The following HDAC4 variants were observed in gnomAD, a reference collection of about 807,000 sequenced individuals.
The protein encoded by HDAC4 is histone deacetylase A.
HDAC4 carries 16 observed loss-of-function variants against 135.1 expected under a neutral mutation model. The ratio of observed to expected loss-of-function variants is 0.12; its 90% CI spans 0.08 to 0.18. HDAC4 has a LOEUF of 0.18. Among genes scored for constraint, HDAC4 ranks in the 10% least tolerant of loss-of-function variants. HDAC4 has a pLI of 1.00. For missense variants in HDAC4, 1,143 were observed against 1,511.8 expected, an observed-to-expected ratio of 0.76 and a Z score of 4.05; for synonymous variants, 685 against 653.4, an observed-to-expected ratio of 1.05 and a Z score of -0.74.
intron 2 of HDAC4, among the ~76,000 whole-genome samples, chr2:239,326,132 A>T (rs1230104619): frequency 1.3e-5 from 2 of 152,228 alleles, no homozygotes; most frequent in African/African-American, 4.8e-5. Context: ...AGGTCCACCA[A>T]GAGATGGAAT....
Position 239,339,512 on chromosome 2 carries a change from A to C in HDAC4, c.22+13166T>G, listed in dbSNP as rs76568345. Among the ~76,000 whole-genome samples the C allele has an allele frequency of 5.9e-5, 9 of 152,324 alleles. No individual in the cohort carries two copies. The East Asian group carries it at 1.7e-3, about 29-fold the overall frequency. ...TCTGATCTGGACATGGGTGAGGAGC[A>C]CCAAAGCCATGCTCTCTCGGGTGAT... On this transcript the variant is annotated intron_variant, in intron 2 of 26. Transcript: ENST00000543185.
intron 2 of HDAC4, among the ~76,000 whole-genome samples, chr2:239,246,317 C>T (rs2048456022): frequency 6.6e-6 from 1 of 152,204 alleles, no homozygotes; most frequent in Admixed American, 6.5e-5. Flanking sequence ...CGCCCCTTCC[C>T]CTCCCCCGTC....
At position 239,184,995 on chromosome 2, in the gene HDAC4, G is replaced by C. The variant is rs529770099; in HGVS notation, c.339+4838C>G. ...GGTCCCTTGGTGTCTATCATGGAGG[G>C]CTATCCCTCAGTGTCTGCCCTGGAG... On this transcript the variant is annotated intron_variant, in intron 4 of 26. Coordinates refer to ENST00000543185, the MANE Select transcript of HDAC4 (RefSeq NM_001378414.1). Among the ~76,000 whole-genome samples, 13 of 148,966 alleles carry C rather than the reference G, an allele frequency of 8.7e-5. No homozygotes were observed. The East Asian group carries it at 1.6e-3, about 19-fold the overall frequency.
intron 3 of HDAC4, among the ~76,000 whole-genome samples, chr2:239,190,605 C>T (rs969734961): frequency 2.6e-5 from 4 of 152,156 alleles, no homozygotes; most frequent in East Asian, 1.9e-4. Flanking sequence ...GACAGACGCT[C>T]GAGACCCGGA....
intron 1 of HDAC4, among the ~76,000 whole-genome samples, chr2:239,385,363 C>T (rs906820198): frequency 6.6e-6 from 1 of 152,230 alleles, no homozygotes; most frequent in Non-Finnish European, 1.5e-5. Context: ...GTTCCGGGGG[C>T]CTCCGGGTCA....
At chr2:239,378,026 C>T (rs954771560) in intron 1 of HDAC4, among the ~76,000 whole-genome samples, 114 of 152,298 alleles carry the variant, frequency 7.5e-4, no homozygotes, top group African/African-American at 2.6e-3. Context: ...CCAGGGGAGA[C>T]GTCGCGTCCT....
At chr2:239,362,816 T>TA (rs1693944071) in intron 1 of HDAC4, among the ~76,000 whole-genome samples, 1 of 152,102 alleles carries the variant, frequency 6.6e-6, no homozygotes, top group Non-Finnish European at 1.5e-5. Flanking sequence ...GCCAGGGCAG[T>TA]AAGGCAAGAA....
intron 6 of HDAC4, among the ~76,000 whole-genome samples, chr2:239,159,561 C>T (rs1231754486): frequency 2.0e-5 from 3 of 151,420 alleles, no homozygotes; most frequent in Non-Finnish European, 4.4e-5. Flanking sequence ...CCGCATCTCA[C>T]ACTCACACCT....
chr2:239,276,214 T>G lies in HDAC4; in HGVS notation c.23-39550A>C, dbSNP rs370727081. ...AGACAAGTTAGAGCAGCTGCACCAG[T>G]CTTACAGAGGCAGGGAGAGGCCCCG... On this transcript the variant is annotated intron_variant, in intron 2 of 26. Transcript: ENST00000543185. Among the ~76,000 whole-genome samples, 4 of 152,242 alleles carry G rather than the reference T, an allele frequency of 2.6e-5. No homozygotes were observed. In the East Asian group the frequency reaches 5.8e-4, roughly 22 times the overall value.
rs561454501 is a variant in HDAC4, at chr2:239,150,445, G to C, written c.734-5731C>G. ...TACACACCCCACACACAGAAACACA[G>C]ACACACACACAGATACATAGAAACA... On this transcript the variant is annotated intron_variant, in intron 7 of 26. Transcript: ENST00000543185. Among the ~76,000 whole-genome samples the C allele has an allele frequency of 4.0e-5, 6 of 151,466 alleles. No individual in the cohort carries two copies. The East Asian group carries it at 1.2e-3, about 29-fold the overall frequency.
chr2:239,222,771 G>A (rs534830166), intron 3 of HDAC4, among the ~76,000 whole-genome samples: 69 of 150,256 alleles, frequency 4.6e-4, no homozygotes, highest in African/African-American at 1.5e-3. Context: ...GACTGAGCAC[G>A]AATTTAAAGT....
chr2:239,138,460 T>G (rs934079831), intron 9 of HDAC4, among the ~76,000 whole-genome samples: 2 of 152,208 alleles, frequency 1.3e-5, no homozygotes, highest in African/African-American at 4.8e-5. Flanking sequence ...AGAAGGAAAG[T>G]CAATAACTAT....
intron 1 of HDAC4, among the ~76,000 whole-genome samples, chr2:239,366,711 TG>T (rs1056916720): frequency 1.1e-4 from 16 of 152,088 alleles, no homozygotes; most frequent in Non-Finnish European, 2.1e-4. Flanking sequence ...CTGGGCTCAA[TG>T]GATCATTTAA....
intron 25 of HDAC4, among the ~76,000 whole-genome samples, chr2:239,054,265 G>A (rs1020670246): frequency 6.6e-6 from 1 of 152,092 alleles, no homozygotes; most frequent in African/African-American, 2.4e-5. Flanking sequence ...TCTGAGATAG[G>A]CTGCGTGCCA....
At chr2:239,127,310 G>T (rs1313261467) in intron 11 of HDAC4, among the ~76,000 whole-genome samples, 2 of 152,188 alleles carry the variant, frequency 1.3e-5, no homozygotes, top group Non-Finnish European at 2.9e-5. Context: ...GCCAGCGAGT[G>T]GAGGATGCCC....
rs1298428617 is a variant in HDAC4, at chr2:239,400,613, C to A, written c.-220+365G>T. 1 of 146,474 alleles carries A rather than the reference C, an allele frequency of 6.8e-6. No individual in the cohort carries two copies. The highest frequency in any genetic ancestry group is 1.5e-5 in the Non-Finnish European group (1 of 65,768). The allele number at this position is 146,474 out of a possible 1,614,324, so 9.1% of individuals were successfully genotyped here. On this transcript the variant is annotated intron_variant, in intron 1 of 26. Transcript: ENST00000543185. The surrounding 1 kb of genome is among the most constrained non-coding windows in gnomAD (Gnocchi z 4.7). ...CGGCGGCGTCCACCTGCCGCGGGCT[C>A]CAAGGCCTGCAGGCTGCGCGGGGCG...
chr2:239,313,231 T>A lies in HDAC4; in HGVS notation c.22+39447A>T, dbSNP rs557044479. 1.3e-5 allele frequency among the ~76,000 whole-genome samples: 2 copies of A among 152,346 alleles called. No homozygotes were observed. Among genetic ancestry groups the A allele is most frequent in the East Asian group, 3.9e-4 (2 of 5,176 alleles). ...GGCAGAGCCTGGCTTCTGCCTGAAT[T>A]CATTTCATATTTTTAAATATGCTCT... is the stretch of plus-strand genomic sequence containing the variant. On this transcript the variant is annotated intron_variant, in intron 2 of 26. Transcript: ENST00000543185. This position sits in a 1 kb window ranked among gnomAD's most constrained non-coding sequence, Gnocchi z 5.1.
At chr2:239,332,647 A>G (rs1691662845) in intron 2 of HDAC4, among the ~76,000 whole-genome samples, 1 of 152,002 alleles carries the variant, frequency 6.6e-6, no homozygotes, top group African/African-American at 2.4e-5. Flanking sequence ...AAAAAAAATC[A>G]GTGATCTAAA....
chr2:239,277,890 A>G (rs1398231877), intron 2 of HDAC4, among the ~76,000 whole-genome samples: 3 of 152,102 alleles, frequency 2.0e-5, no homozygotes, highest in Admixed American at 6.5e-5. Flanking sequence ...AGCAGGCCCC[A>G]GTCATACGCC....
Sources: gnomAD v4.1 joint callset for allele counts (sites outside exome capture counted in the v4.1 genomes callset) on GRCh38, gnomAD v4.1.1 for gene constraint, Gnocchi (gnomAD v3.1) non-coding constraint, MANE v1.5 for transcripts, NCBI Gene and HGNC (gene_info 2026-07-23, HGNC 2026-07-21) for gene names.